The following ARB2A variants were observed in gnomAD, a reference collection of about 807,000 sequenced individuals.
ARB2A encodes the protein ARB2 cotranscriptional regulator A.
the ARB2A span, among the ~76,000 whole-genome samples, chr5:93,983,318 T>C: frequency 6.6e-6 from 1 of 151,852 alleles, no homozygotes; most frequent in Non-Finnish European, 1.5e-5. Flanking sequence ...ACAAGATAAA[T>C]CTAAAAAGTA....
chr5:93,829,403 T>G, the ARB2A span, among the ~76,000 whole-genome samples: 3 of 152,196 alleles, frequency 2.0e-5, no homozygotes, highest in Admixed American at 1.3e-4. Context: ...TCCCTACTTG[T>G]CTTCAGTACT....
At chr5:93,960,094 C>G in the ARB2A span, among the ~76,000 whole-genome samples, 31 of 141,738 alleles carry the variant, frequency 2.2e-4, no homozygotes, top group African/African-American at 7.3e-4. Context: ...CCCCCCCCCC[C>G]CAAAAAAAGC....
the ARB2A span, among the ~76,000 whole-genome samples, chr5:93,872,872 G>C: frequency 6.6e-6 from 1 of 151,630 alleles, no homozygotes; most frequent in Non-Finnish European, 1.5e-5. Flanking sequence ...AGCCGAGATC[G>C]CGCCACTGCA....
the ARB2A span, among the ~76,000 whole-genome samples, chr5:93,795,381 C>T: frequency 6.6e-6 from 1 of 152,264 alleles, no homozygotes; most frequent in African/African-American, 2.4e-5. Context: ...GACCATGAGC[C>T]TTTTTGTTGA....
chr5:93,920,327 A>C, the ARB2A span, among the ~76,000 whole-genome samples: 1 of 152,168 alleles, frequency 6.6e-6, no homozygotes, highest in Non-Finnish European at 1.5e-5. Context: ...CCCTTTTCAG[A>C]TGAGGACACA....
chr5:93,696,965 G>A, the ARB2A span, among the ~76,000 whole-genome samples: 1 of 151,344 alleles, frequency 6.6e-6, no homozygotes, highest in Non-Finnish European at 1.5e-5. Flanking sequence ...GGGAGGCTGA[G>A]GCAGGAGAAT....
At chr5:93,751,757 T>C in the ARB2A span, among the ~76,000 whole-genome samples, 2 of 152,174 alleles carry the variant, frequency 1.3e-5, no homozygotes, top group Non-Finnish European at 2.9e-5. Flanking sequence ...AAGACGTATG[T>C]TTTGGGAATA....
the ARB2A span, among the ~76,000 whole-genome samples, chr5:94,022,818 C>A: frequency 2.0e-5 from 3 of 152,138 alleles, no homozygotes; most frequent in Admixed American, 1.3e-4. Flanking sequence ...AAAATAAAGG[C>A]AAGAAGCACT....
At chr5:93,959,368 G>C in the ARB2A span, among the ~76,000 whole-genome samples, 5 of 152,008 alleles carry the variant, frequency 3.3e-5, no homozygotes, top group African/African-American at 1.2e-4. Context: ...TTATTATATT[G>C]ATTTATAGAT....
chr5:94,029,675 C>G, the ARB2A span, among the ~76,000 whole-genome samples: 1 of 152,336 alleles, frequency 6.6e-6, no homozygotes, highest in East Asian at 1.9e-4. Context: ...AGCTAAATCT[C>G]TGTTGTAAGG....
At chr5:94,109,853 C>A in the ARB2A span, among the ~76,000 whole-genome samples, 1 of 151,582 alleles carries the variant, frequency 6.6e-6, no homozygotes, top group African/African-American at 2.4e-5. Context: ...TTCTCTCTCC[C>A]CTTAATTTAT....
At chr5:94,047,181 G>A in the ARB2A span, among the ~76,000 whole-genome samples, 1 of 152,108 alleles carries the variant, frequency 6.6e-6, no homozygotes, top group African/African-American at 2.4e-5. Context: ...GATCTAAATA[G>A]AAACACTGCA....
the ARB2A span, among the ~76,000 whole-genome samples, chr5:93,833,877 T>A: frequency 3.3e-5 from 5 of 152,200 alleles, no homozygotes; most frequent in Non-Finnish European, 5.9e-5. Flanking sequence ...ATGTGCAAGT[T>A]TGATACATGA....
chr5:93,860,676 A>C, the ARB2A span: 1 of 140,996 alleles, frequency 7.1e-6, no homozygotes, highest in Non-Finnish European at 1.5e-5. Flanking sequence ...TTTGTTTGAG[A>C]CAGAGTCTCT....
the ARB2A span, chr5:93,743,553 A>G: frequency 1.0e-6 from 1 of 985,340 alleles, no homozygotes; most frequent in Non-Finnish European, 1.2e-6. Flanking sequence ...TTTTTTTCAA[A>G]ATCACGAAGC....
the ARB2A span, among the ~76,000 whole-genome samples, chr5:93,854,832 A>G: frequency 1.3e-5 from 2 of 152,164 alleles, no homozygotes; most frequent in Non-Finnish European, 2.9e-5. Flanking sequence ...ACAGTTTCTT[A>G]TAATTTCTGT....
the ARB2A span, among the ~76,000 whole-genome samples, chr5:93,647,509 A>T: frequency 6.6e-6 from 1 of 151,322 alleles, no homozygotes; most frequent in Non-Finnish European, 1.5e-5. Flanking sequence ...TATAGGCATG[A>T]GCCACCACAC....
the ARB2A span, among the ~76,000 whole-genome samples, chr5:93,876,169 G>A: frequency 6.6e-6 from 1 of 152,058 alleles, no homozygotes; most frequent in Non-Finnish European, 1.5e-5. Context: ...GATTAACACT[G>A]GGAATTTTGT....
the ARB2A span, among the ~76,000 whole-genome samples, chr5:93,678,473 T>C: frequency 6.6e-6 from 1 of 152,102 alleles, no homozygotes; most frequent in Non-Finnish European, 1.5e-5. Context: ...AATCTAAATG[T>C]GGCCGAGTGC....
Sources: allele counts gnomAD v4.1 joint callset (sites outside exome capture counted in the v4.1 genomes callset), GRCh38; gene constraint gnomAD v4.1.1; transcripts MANE v1.5; gene names NCBI Gene and HGNC (gene_info 2026-07-23, HGNC 2026-07-21).